AFG2A: variants seen among roughly 807,000 people sequenced by gnomAD.
The protein encoded by AFG2A is AAA ATPase AFG2A.
At chr4:122,952,311 GA>G in the AFG2A span, among the ~76,000 whole-genome samples, 1 of 152,068 alleles carries the variant, frequency 6.6e-6, no homozygotes, top group Non-Finnish European at 1.5e-5. Context: ...CTCTGCACCT[GA>G]ACTCACAAGG....
chr4:123,278,480 C>T, the AFG2A span, among the ~76,000 whole-genome samples: 8 of 152,100 alleles, frequency 5.3e-5, no homozygotes, highest in African/African-American at 1.9e-4. Flanking sequence ...TTGGTGATTT[C>T]TTGTCTTCTG....
At chr4:122,966,269 A>G in the AFG2A span, among the ~76,000 whole-genome samples, 1 of 152,202 alleles carries the variant, frequency 6.6e-6, no homozygotes, top group Non-Finnish European at 1.5e-5. Context: ...TTACGTTTTT[A>G]TAGCTTTTGC....
At chr4:123,053,918 G>A in the AFG2A span, among the ~76,000 whole-genome samples, 2 of 152,272 alleles carry the variant, frequency 1.3e-5, no homozygotes, top group South Asian at 4.1e-4. Context: ...GAGGATCAGA[G>A]TCCCAGGCCA....
chr4:123,302,581 T>A, the AFG2A span, among the ~76,000 whole-genome samples: 2 of 36,530 alleles, frequency 5.5e-5, no homozygotes, highest in Non-Finnish European at 2.8e-4. Flanking sequence ...GCAGGAGACC[T>A]TTTTTTTTTT....
At chr4:123,003,846 C>T in the AFG2A span, among the ~76,000 whole-genome samples, 1 of 152,162 alleles carries the variant, frequency 6.6e-6, no homozygotes, top group Admixed American at 6.5e-5. Context: ...AGCTGTCAGA[C>T]AGGGACATTT....
the AFG2A span, among the ~76,000 whole-genome samples, chr4:123,144,381 G>T: frequency 1.1e-4 from 17 of 152,032 alleles, no homozygotes; most frequent in African/African-American, 4.1e-4. Context: ...TTATTTACAT[G>T]CTGTAAGTAA....
At chr4:123,101,682 C>T in the AFG2A span, among the ~76,000 whole-genome samples, 3 of 151,816 alleles carry the variant, frequency 2.0e-5, no homozygotes, top group African/African-American at 7.2e-5. Flanking sequence ...GGGCACAGAC[C>T]TTCCCAAACC....
At chr4:123,103,287 T>C in the AFG2A span, among the ~76,000 whole-genome samples, 1 of 152,054 alleles carries the variant, frequency 6.6e-6, no homozygotes. Context: ...TTTGTGTGAG[T>C]TGAGGACTGG....
At chr4:123,084,506 C>T in the AFG2A span, among the ~76,000 whole-genome samples, 3 of 150,502 alleles carry the variant, frequency 2.0e-5, no homozygotes, top group Non-Finnish European at 3.0e-5. Context: ...TATTTATAGA[C>T]AATAGAACTT....
At chr4:123,218,101 T>C in the AFG2A span, among the ~76,000 whole-genome samples, 1 of 152,150 alleles carries the variant, frequency 6.6e-6, no homozygotes, top group Non-Finnish European at 1.5e-5. Flanking sequence ...GATGGTGTAT[T>C]AGGAATTTTA....
the AFG2A span, among the ~76,000 whole-genome samples, chr4:123,231,336 A>G: frequency 6.6e-6 from 1 of 152,008 alleles, no homozygotes; most frequent in Non-Finnish European, 1.5e-5. Flanking sequence ...TTTATGTTAT[A>G]AAGACTGCTT....
chr4:123,029,991 A>C, the AFG2A span, among the ~76,000 whole-genome samples: 1 of 152,148 alleles, frequency 6.6e-6, no homozygotes, highest in African/African-American at 2.4e-5. Flanking sequence ...ACTTCCCAGG[A>C]CAACTTGATT....
chr4:122,983,615 A>T, the AFG2A span, among the ~76,000 whole-genome samples: 1 of 150,972 alleles, frequency 6.6e-6, no homozygotes, highest in African/African-American at 2.4e-5. Flanking sequence ...GGATTTTCCA[A>T]TTTTTTTTTC....
chr4:123,227,725 G>A, the AFG2A span, among the ~76,000 whole-genome samples: 1 of 152,134 alleles, frequency 6.6e-6, no homozygotes, highest in Non-Finnish European at 1.5e-5. Context: ...TGTCTATTAG[G>A]TCCACTTGGT....
the AFG2A span, among the ~76,000 whole-genome samples, chr4:122,937,797 TG>T: frequency 6.6e-6 from 1 of 152,224 alleles, no homozygotes; most frequent in African/African-American, 2.4e-5. Flanking sequence ...ATAGTATCTC[TG>T]GCCTCAGCTT....
At chr4:123,113,944 C>T in the AFG2A span, among the ~76,000 whole-genome samples, 2 of 151,902 alleles carry the variant, frequency 1.3e-5, no homozygotes, top group South Asian at 4.2e-4. Context: ...CTCCTCTCTG[C>T]AGGCAGGTTG....
the AFG2A span, among the ~76,000 whole-genome samples, chr4:123,231,186 T>C: frequency 6.6e-6 from 1 of 152,030 alleles, no homozygotes; most frequent in Non-Finnish European, 1.5e-5. Flanking sequence ...CTAGATGACA[T>C]CTTCTTCCAA....
chr4:123,119,130 T>C, the AFG2A span, among the ~76,000 whole-genome samples: 1 of 152,136 alleles, frequency 6.6e-6, no homozygotes, highest in Non-Finnish European at 1.5e-5. Context: ...TTTAGGTTTT[T>C]TTTTCTAAAA....
the AFG2A span, chr4:123,256,276 G>T: frequency 2.2e-6 from 3 of 1,385,984 alleles, no homozygotes; most frequent in South Asian, 4.2e-5. Flanking sequence ...TGTTTTAAAT[G>T]ACCATACTAA....
Sources: gnomAD v4.1 joint callset for allele counts (sites outside exome capture counted in the v4.1 genomes callset) on GRCh38, gnomAD v4.1.1 for gene constraint, MANE v1.5 for transcripts, NCBI Gene and HGNC (gene_info 2026-07-23, HGNC 2026-07-21) for gene names.